KREMEN1: variants seen among roughly 807,000 people sequenced by gnomAD.
KREMEN1 encodes kringle containing transmembrane protein 1, also known as kremen protein 1.
A neutral mutation model predicts 46.5 loss-of-function variants in KREMEN1; 30 were observed. The observed-to-expected ratio is 0.65, with a 90% CI of 0.48 to 0.88. The LOEUF is 0.88. Among genes scored for constraint, KREMEN1 ranks in the 40% least tolerant of loss-of-function variants. The pLI is 0.00. For missense variants in KREMEN1, 533 were observed against 596.9 expected (o/e 0.89, Z 1.11); for synonymous variants, 214 against 230.6 (o/e 0.93, Z 0.65).
chr22:29,118,120 T>C (rs1439614491), intron 3 of KREMEN1, among the ~76,000 whole-genome samples: 1 of 152,206 alleles, frequency 6.6e-6, no homozygotes, highest in African/African-American at 2.4e-5. Flanking sequence ...TTGTGGACCA[T>C]TGGGTGAAAT....
chr22:29,137,232 T>C (rs1290909888), intron 5 of KREMEN1, 110 bp from the exon 6 acceptor site: 1 of 683,684 alleles, frequency 1.5e-6, no homozygotes, highest in African/African-American at 1.8e-5. Context: ...ATAGAAACAA[T>C]GTCCTAAATG....
At chr22:29,125,234 T>TA (rs2038422355) in intron 4 of KREMEN1, 29 bp from the exon 5 acceptor site, 1 of 1,612,238 alleles carries the variant, frequency 6.2e-7, no homozygotes, top group Admixed American at 1.7e-5. Context: ...TGATGATGCT[T>TA]ACCGTGTGCT....
chr22:29,156,727 A>G (rs2038965614), intron 9 of KREMEN1, among the ~76,000 whole-genome samples: 1 of 152,244 alleles, frequency 6.6e-6, no homozygotes, highest in South Asian at 2.1e-4. Flanking sequence ...CAGGGCCTGC[A>G]CGCAGAGCTG....
chr22:29,106,377 C>T (rs557321744), intron 3 of KREMEN1, among the ~76,000 whole-genome samples: 1 of 151,144 alleles, frequency 6.6e-6, no homozygotes, highest in Admixed American at 6.6e-5. Flanking sequence ...CCCGCCATCA[C>T]GCCCAGCTAA....
Position 29,145,484 on chromosome 22 carries a change from G to A in KREMEN1, c.*3372G>A. The A allele has an allele frequency of 1.0e-6, 1 of 985,566 alleles. No homozygotes were observed. Among genetic ancestry groups the A allele is most frequent in the Non-Finnish European group, 1.2e-6 (1 of 830,056 alleles). The allele number at this position is 985,566 out of a possible 1,614,324, so 61.1% of individuals were successfully genotyped here. A position where few individuals can be genotyped will look rare whatever the true frequency, so the allele number is the denominator to read the frequency against. ...GCTGGCGCCAGGCCCTGCCTTCTTGGTACCTGTGCCAACAGGAGAGCCCTC... is the reference window on the plus strand; with the variant it reads ...GCTGGCGCCAGGCCCTGCCTTCTTGATACCTGTGCCAACAGGAGAGCCCTC... On this transcript the variant is annotated 3_prime_UTR_variant, in exon 9 of 9. Transcript: ENST00000400335.
At chr22:29,153,105 C>G (rs1006180187) in intron 9 of KREMEN1, among the ~76,000 whole-genome samples, 1 of 152,238 alleles carries the variant, frequency 6.6e-6, no homozygotes, top group Non-Finnish European at 1.5e-5. Context: ...CATTCATAAA[C>G]TGTCATGGCC....
In KREMEN1 at chr22:29,145,866, G is replaced by C; in HGVS notation, c.*3754G>C. 1.0e-6 allele frequency: 1 copy of C among 985,688 alleles called. No homozygotes were observed. Among genetic ancestry groups the C allele is most frequent in the Non-Finnish European group, 1.2e-6 (1 of 829,980 alleles). 61.1% of individuals were successfully genotyped at this position (985,688 alleles called of 1,614,324 possible). A position where few individuals can be genotyped will look rare whatever the true frequency, so the allele number is the denominator to read the frequency against. ...GCAAGTTCAGCTGTCCTGGCCCTCGGGTAGAACCCACGGGCGTGCCTGGGT... is the reference window on the plus strand; with the variant it reads ...GCAAGTTCAGCTGTCCTGGCCCTCGCGTAGAACCCACGGGCGTGCCTGGGT... On this transcript the variant is annotated 3_prime_UTR_variant, in exon 9 of 9. Transcript: ENST00000400335.
At chr22:29,157,573 A>G (rs2038974128) in intron 9 of KREMEN1, among the ~76,000 whole-genome samples, 1 of 152,080 alleles carries the variant, frequency 6.6e-6, no homozygotes, top group Non-Finnish European at 1.5e-5. Flanking sequence ...CCTGGCCTCA[A>G]GTGATCCACC....
chr22:29,098,810 C>A, intron 2 of KREMEN1, 52 bp from the exon 3 acceptor site: 1 of 1,297,922 alleles, frequency 7.7e-7, no homozygotes, highest in Non-Finnish European at 1.1e-6. Context: ...AAGCAATGAA[C>A]CAGTTGAATT....
At chr22:29,125,533 A>G in intron 5 of KREMEN1, 117 bp downstream of exon 5, 8 of 1,070,880 alleles carry the variant, frequency 7.5e-6, no homozygotes, top group Non-Finnish European at 1.1e-5. Context: ...GCAATAGACA[A>G]TACTTGTGAC....
At chr22:29,131,594 G>GTGTGTGTGTGTA (rs71324554) in intron 5 of KREMEN1, among the ~76,000 whole-genome samples, 49 of 121,892 alleles carry the variant, frequency 4.0e-4, no homozygotes, top group African/African-American at 2.0e-3. Context: ...GTGTGTGTGT[G>GTGTGTGTGTGTA]TATATGTATA....
At chr22:29,136,930 G>T (rs1373901048) in intron 5 of KREMEN1, among the ~76,000 whole-genome samples, 2 of 152,170 alleles carry the variant, frequency 1.3e-5, no homozygotes, top group African/African-American at 4.8e-5. Context: ...GGCCTGAGTG[G>T]TTCGTGTGCT....
At chr22:29,128,285 A>G (rs968679997) in intron 5 of KREMEN1, among the ~76,000 whole-genome samples, 5 of 152,196 alleles carry the variant, frequency 3.3e-5, no homozygotes, top group African/African-American at 1.2e-4. Context: ...TTAAATGCAT[A>G]TTTCACTTTG....
chr22:29,086,612 C>A (rs2037732489), intron 1 of KREMEN1, among the ~76,000 whole-genome samples: 1 of 152,166 alleles, frequency 6.6e-6, no homozygotes, highest in Non-Finnish European at 1.5e-5. Flanking sequence ...TCCCATAGTG[C>A]TTTTGAGTGT....
At chr22:29,135,461 A>G (rs1248383438) in intron 5 of KREMEN1, among the ~76,000 whole-genome samples, 1 of 152,082 alleles carries the variant, frequency 6.6e-6, no homozygotes, top group African/African-American at 2.4e-5. Flanking sequence ...ACTTTCTTAG[A>G]GAGGAGAGTC....
intron 5 of KREMEN1, among the ~76,000 whole-genome samples, chr22:29,135,857 T>A (rs374324362): frequency 6.6e-6 from 1 of 152,210 alleles, no homozygotes; most frequent in African/African-American, 2.4e-5. Context: ...TAAGTTCCCC[T>A]GGTTGTCATG....
chr22:29,120,552 CGATGGAAACAGGGAGGAGGGAGAGTTGAT>C (rs2038336286), intron 3 of KREMEN1, among the ~76,000 whole-genome samples: 2 of 49,458 alleles, frequency 4.0e-5, no homozygotes, highest in Admixed American at 2.7e-4. Flanking sequence ...GGAGAGGTGA[CGATGGAAACAGGGAGGAGGGAGAGTTGAT>C]GATGGAAACA....
intron 3 of KREMEN1, among the ~76,000 whole-genome samples, chr22:29,110,835 G>A (rs1403869089): frequency 6.6e-6 from 1 of 152,210 alleles, no homozygotes; most frequent in African/African-American, 2.4e-5. Context: ...GAACAGCACA[G>A]GGTGCAGTGA....
chr22:29,119,101 A>G (rs1370490516), intron 3 of KREMEN1, among the ~76,000 whole-genome samples: 3 of 152,162 alleles, frequency 2.0e-5, no homozygotes, highest in Non-Finnish European at 4.4e-5. Context: ...TAATCCCAGC[A>G]CTTTGGGAGG....
Sources: gnomAD v4.1 joint callset for allele counts (sites outside exome capture counted in the v4.1 genomes callset) on GRCh38, gnomAD v4.1.1 for gene constraint, MANE v1.5 for transcripts, NCBI Gene and HGNC (gene_info 2026-07-23, HGNC 2026-07-21) for gene names.